ELMO1: variants seen among roughly 807,000 people sequenced by gnomAD.
ELMO1 encodes the protein engulfment and cell motility 1.
ELMO1 carries 26 observed loss-of-function variants against 98.9 expected under a neutral mutation model. The observed-to-expected ratio is 0.26, with a 90% CI of 0.19 to 0.36. The LOEUF is 0.36. Ranked by LOEUF, ELMO1 falls within the 10% of genes least tolerant of loss-of-function variation. The pLI is 1.00. For missense variants in ELMO1, 627 were observed against 935.2 expected (o/e 0.67, Z 4.30); for synonymous variants, 346 against 346.0 (o/e 1.00, Z 0.00).
intron 11 of ELMO1, among the ~76,000 whole-genome samples, chr7:37,215,596 C>G (rs1793233037): frequency 6.6e-6 from 1 of 152,238 alleles, no homozygotes; most frequent in Non-Finnish European, 1.5e-5. Flanking sequence ...TACCAGACAA[C>G]TGGAGACAGC....
At chr7:37,394,102 G>A (rs1803192397) in intron 1 of ELMO1, among the ~76,000 whole-genome samples, 1 of 152,048 alleles carries the variant, frequency 6.6e-6, no homozygotes, top group Admixed American at 6.6e-5. Context: ...TTATATTTAT[G>A]GGGAGCCTCT....
chr7:37,401,994 C>T (rs1803557141), intron 1 of ELMO1, among the ~76,000 whole-genome samples: 1 of 152,238 alleles, frequency 6.6e-6, no homozygotes, highest in Admixed American at 6.5e-5. Context: ...ACTGTCTACT[C>T]TTCACCAAAC....
chr7:36,891,318 C>G (rs1212706943), intron 17 of ELMO1, among the ~76,000 whole-genome samples: 1 of 152,228 alleles, frequency 6.6e-6, no homozygotes, highest in African/African-American at 2.4e-5. Context: ...TATTTGTCAG[C>G]TGTCTGAACA....
intron 13 of ELMO1, among the ~76,000 whole-genome samples, chr7:37,151,129 G>C (rs1311776292): frequency 1.3e-5 from 2 of 152,216 alleles, no homozygotes; most frequent in Non-Finnish European, 2.9e-5. Flanking sequence ...GGATAGAAGA[G>C]GCCAGGAAGA....
intron 15 of ELMO1, among the ~76,000 whole-genome samples, chr7:37,085,801 A>C (rs1248315419): frequency 6.6e-6 from 1 of 152,244 alleles, no homozygotes; most frequent in Non-Finnish European, 1.5e-5. Context: ...GTCATCCTGC[A>C]AATGGCCTCC....
At chr7:37,064,811 TA>T (rs1796869435) in intron 15 of ELMO1, among the ~76,000 whole-genome samples, 1 of 152,182 alleles carries the variant, frequency 6.6e-6, no homozygotes, top group African/African-American at 2.4e-5. Flanking sequence ...CTCTCCTGCC[TA>T]CAGTGGATCC....
In ELMO1 at chr7:36,974,622, T is replaced by G. The variant is rs562490528; in HGVS notation, c.1437+38677A>C. On this transcript the variant is annotated intron_variant, in intron 16 of 21. Transcript: ENST00000310758. ...GCCCTGTCAAAACAGACCACTCGGC[T>G]CTACCAATCAGCAGGACATGGGTGG... Among the ~76,000 whole-genome samples the G allele has an allele frequency of 4.6e-5, 7 of 151,288 alleles. No individual in the cohort carries two copies. In the East Asian group the frequency reaches 1.4e-3, roughly 29 times the overall value.
chr7:37,030,415 A>G (rs979135340), intron 15 of ELMO1, among the ~76,000 whole-genome samples: 1 of 149,812 alleles, frequency 6.7e-6, no homozygotes, highest in African/African-American at 2.5e-5. Context: ...ACACTTGCCA[A>G]TTCTCTAAAA....
chr7:37,331,429 G>C (rs964578250), intron 2 of ELMO1, among the ~76,000 whole-genome samples: 2 of 143,932 alleles, frequency 1.4e-5, no homozygotes, highest in African/African-American at 5.1e-5. Flanking sequence ...TGATCCGCCC[G>C]CCTCAGCCTC....
intron 5 of ELMO1, among the ~76,000 whole-genome samples, 183 bp from the exon 6 acceptor site, chr7:37,259,533 C>G (rs546565958): frequency 2.6e-4 from 39 of 152,268 alleles, no homozygotes; most frequent in South Asian, 1.2e-3. Flanking sequence ...ACCTTCAGAG[C>G]GAGGTCTGCT....
chr7:37,211,883 TAAG>T (rs1792996562), intron 12 of ELMO1, among the ~76,000 whole-genome samples: 1 of 152,078 alleles, frequency 6.6e-6, no homozygotes, highest in African/African-American at 2.4e-5. Flanking sequence ...GGGAACAAAG[TAAG>T]AAGCACCCAA....
intron 4 of ELMO1, among the ~76,000 whole-genome samples, chr7:37,305,578 T>G (rs1244927213): frequency 6.6e-6 from 1 of 152,226 alleles, no homozygotes; most frequent in Non-Finnish European, 1.5e-5. Context: ...TAAGATTCAT[T>G]TATTCACTCT....
intron 4 of ELMO1, among the ~76,000 whole-genome samples, chr7:37,285,829 T>A (rs1382595786): frequency 1.3e-5 from 2 of 152,110 alleles, no homozygotes; most frequent in Non-Finnish European, 2.9e-5. Flanking sequence ...TTGAACAGCC[T>A]TATTTTTCCA....
chr7:37,244,708 ATAGG>A (rs1794911701), intron 6 of ELMO1, among the ~76,000 whole-genome samples: 1 of 152,210 alleles, frequency 6.6e-6, no homozygotes, highest in Non-Finnish European at 1.5e-5. Context: ...TGGGGTACCC[ATAGG>A]GATAGGAATT....
At chr7:37,086,469 G>A (rs1338819848) in intron 15 of ELMO1, among the ~76,000 whole-genome samples, 5 of 151,652 alleles carry the variant, frequency 3.3e-5, no homozygotes, top group South Asian at 2.1e-4. Context: ...TTGGCCAGGC[G>A]CAGTGGCTCA....
At chr7:36,992,455 T>C (rs1791940541) in intron 16 of ELMO1, among the ~76,000 whole-genome samples, 1 of 152,202 alleles carries the variant, frequency 6.6e-6, no homozygotes, top group African/African-American at 2.4e-5. Context: ...TTTCCAAATA[T>C]ACCATGGAAA....
chr7:36,953,836 GTT>G (rs1000254663), intron 16 of ELMO1, among the ~76,000 whole-genome samples: 1 of 129,588 alleles, frequency 7.7e-6, no homozygotes, highest in Admixed American at 8.3e-5. Flanking sequence ...GTATGGGTAT[GTT>G]TTGTGTGTGT....
At chr7:37,211,660 GT>G (rs1792982636) in intron 12 of ELMO1, 143 bp from the exon 13 acceptor site, 1 of 1,185,442 alleles carries the variant, frequency 8.4e-7, no homozygotes, top group African/African-American at 1.5e-5. Flanking sequence ...GAGAACCAAT[GT>G]TCTAAGTTAG....
At chr7:37,258,845 C>T (rs536399124) in intron 6 of ELMO1, among the ~76,000 whole-genome samples, 7 of 151,932 alleles carry the variant, frequency 4.6e-5, no homozygotes, top group East Asian at 1.9e-4. Context: ...GGATAGGCAA[C>T]GAATATGAGG....
Sources: gnomAD v4.1 joint callset for allele counts (sites outside exome capture counted in the v4.1 genomes callset) on GRCh38, gnomAD v4.1.1 for gene constraint, MANE v1.5 for transcripts, NCBI Gene and HGNC (gene_info 2026-07-23, HGNC 2026-07-21) for gene names.